Variants in UST observed in about 807,000 individuals in gnomAD.
UST encodes uronyl 2-sulfotransferase, also known as chondroitin sulfate 2-O-sulfotransferase.
UST carries 21 observed loss-of-function variants against 45.6 expected under a neutral mutation model. The observed-to-expected ratio is 0.46, with a 90% confidence interval of 0.33 to 0.66. The LOEUF (loss-of-function observed/expected upper bound fraction) is 0.66. Ranked by LOEUF, UST falls within the 30% of genes least tolerant of loss-of-function variation. The probability of loss-of-function intolerance (pLI) is 0.02; values close to 1 mark genes in which losing one functional copy is unlikely to be tolerated. For synonymous variants in UST, 215 were observed against 200.6 expected, an observed-to-expected ratio of 1.07 and a Z score of -0.61; for missense variants, 463 against 512.4, an observed-to-expected ratio of 0.90 and a Z score of 0.93.
intron 2 of UST, among the ~76,000 whole-genome samples, chr6:148,924,428 G>A (rs6570911): frequency 0.33 from 50,804 of 151,958 alleles, 8,614 homozygotes; most frequent in South Asian, 0.45. Context: ...CTGCATCCTC[G>A]GGCACACAGT....
chr6:148,953,697 G>A (rs555750387), intron 3 of UST, among the ~76,000 whole-genome samples, 175 bp from the exon 4 acceptor site: 31 of 151,264 alleles, frequency 2.0e-4, no homozygotes, highest in African/African-American at 7.0e-4. Flanking sequence ...GCGTGAACCC[G>A]GGAGGCGGAG....
At chr6:149,052,788 T>C (rs1436456165) in intron 7 of UST, among the ~76,000 whole-genome samples, 2 of 152,218 alleles carry the variant, frequency 1.3e-5, no homozygotes, top group Non-Finnish European at 2.9e-5. Flanking sequence ...CTTTGTTTTA[T>C]TTTTTTGTTG....
intron 7 of UST, among the ~76,000 whole-genome samples, chr6:149,056,520 T>C (rs1429883667): frequency 1.3e-5 from 2 of 152,228 alleles, no homozygotes; most frequent in Non-Finnish European, 2.9e-5. Context: ...GCAAAACAAA[T>C]GGGCCTCCTA....
chr6:148,830,944 T>C (rs1777672868), intron 1 of UST, among the ~76,000 whole-genome samples: 1 of 152,018 alleles, frequency 6.6e-6, no homozygotes, highest in South Asian at 2.1e-4. Flanking sequence ...TTAAAAATGG[T>C]AAATTATATA....
chr6:149,056,167 T>A (rs1372152882), intron 7 of UST, among the ~76,000 whole-genome samples: 2 of 71,406 alleles, frequency 2.8e-5, no homozygotes, highest in African/African-American at 1.9e-4. Context: ...GCTATGTCGC[T>A]GCAGTGCGGT....
chr6:148,871,229 C>G (rs1319448910), intron 1 of UST, among the ~76,000 whole-genome samples: 1 of 151,530 alleles, frequency 6.6e-6, no homozygotes, highest in Non-Finnish European at 1.5e-5. Context: ...AGGATGAGGG[C>G]TCTCACTGGA....
chr6:148,771,457 G>T (rs975644247), intron 1 of UST, among the ~76,000 whole-genome samples: 3 of 152,148 alleles, frequency 2.0e-5, no homozygotes, highest in Non-Finnish European at 1.5e-5. Context: ...CTCTGGAGAG[G>T]TCTAAAGCAA....
At chr6:148,817,980 C>T (rs930430614) in intron 1 of UST, among the ~76,000 whole-genome samples, 3 of 152,192 alleles carry the variant, frequency 2.0e-5, no homozygotes, top group African/African-American at 7.2e-5. Flanking sequence ...AAAGAGACCG[C>T]AAAACCTAAA....
chr6:148,972,299 G>T (rs1412636360), intron 5 of UST, among the ~76,000 whole-genome samples: 1 of 152,204 alleles, frequency 6.6e-6, no homozygotes, highest in East Asian at 1.9e-4. Context: ...AGAGGTGGGT[G>T]CTGTCTTTAG....
In UST at chr6:149,076,683, A is replaced by T. The variant is rs1183661694; in HGVS notation, c.*2567A>T. 6.6e-6 allele frequency: 1 copy of T among 152,660 alleles called. No individual in the cohort carries two copies. The highest frequency in any genetic ancestry group is 1.5e-5 in the Non-Finnish European group (1 of 68,036). The allele number at this position is 152,660 out of a possible 1,614,324, so 9.5% of individuals were successfully genotyped here. Reference sequence around the variant, plus strand: ...CATTTTACATAGTTTAATTTAAAAAATACCTTTTAAGCTAGTTGATCTTTG... The same window carrying T: ...CATTTTACATAGTTTAATTTAAAAATTACCTTTTAAGCTAGTTGATCTTTG... On this transcript the variant is annotated 3_prime_UTR_variant, in exon 8 of 8. Coordinates refer to ENST00000367463, the MANE Select transcript of UST (RefSeq NM_005715.3).
chr6:149,026,323 A>C lies in UST; in HGVS notation c.937+4842A>C, dbSNP rs543559545. ...CAGAGCAAGACCTTGTTTCAAAAATAAAATAAAAGTAAAAATGAGAAACTG... is the reference window on the plus strand; with the variant it reads ...CAGAGCAAGACCTTGTTTCAAAAATCAAATAAAAGTAAAAATGAGAAACTG... On this transcript the variant is annotated intron_variant, in intron 7 of 7. Transcript: ENST00000367463. 1.6e-3 allele frequency among the ~76,000 whole-genome samples: 237 copies of C among 152,278 alleles called. 1 individual carries two copies. The highest frequency in any genetic ancestry group is 4.3e-3 in the Admixed American group (66 of 15,302).
intron 1 of UST, among the ~76,000 whole-genome samples, chr6:148,792,628 T>C (rs1776872424): frequency 6.6e-6 from 1 of 152,228 alleles, no homozygotes; most frequent in Non-Finnish European, 1.5e-5. Context: ...GTGTGTCTCA[T>C]GTAGCTGGGC....
At chr6:148,809,321 GT>G (rs71779192) in intron 1 of UST, among the ~76,000 whole-genome samples, 28,114 of 143,760 alleles carry the variant, frequency 0.2, 2,760 homozygotes, top group East Asian at 0.4. Flanking sequence ...TTAGTTTTTT[GT>G]TTTTTTTTTT....
chr6:148,835,089 G>A (rs1240538162), intron 1 of UST, among the ~76,000 whole-genome samples: 3 of 152,120 alleles, frequency 2.0e-5, no homozygotes, highest in African/African-American at 7.2e-5. Flanking sequence ...CTCAGGTTCT[G>A]TGTCTGTGGA....
intron 1 of UST, among the ~76,000 whole-genome samples, chr6:148,809,045 C>T (rs577602054): frequency 6.6e-6 from 1 of 152,362 alleles, no homozygotes; most frequent in East Asian, 1.9e-4. Flanking sequence ...CACTGTCCCT[C>T]ACTGGCAACT....
intron 5 of UST, among the ~76,000 whole-genome samples, chr6:148,983,120 A>C (rs1284811923): frequency 1.3e-5 from 2 of 152,224 alleles, no homozygotes; most frequent in Non-Finnish European, 2.9e-5. Flanking sequence ...GTTAACACCA[A>C]GTTTTCAAAG....
At chr6:149,005,326 G>T in intron 5 of UST, 2 of 985,416 alleles carry the variant, frequency 2.0e-6, no homozygotes, top group African/African-American at 1.7e-5. Context: ...ATTGGAGAGG[G>T]TTGAGCGGCC....
At chr6:148,770,980 C>G (rs1190639455) in intron 1 of UST, among the ~76,000 whole-genome samples, 1 of 151,968 alleles carries the variant, frequency 6.6e-6, no homozygotes, top group Non-Finnish European at 1.5e-5. Context: ...AGACAAACAA[C>G]TTTTATCCTG....
intron 1 of UST, among the ~76,000 whole-genome samples, chr6:148,780,090 C>T (rs987831165): frequency 6.8e-5 from 7 of 102,898 alleles, no homozygotes; most frequent in South Asian, 3.2e-4. Context: ...TATATATATA[C>T]ACACACACAC....
Sources: allele counts gnomAD v4.1 joint callset (sites outside exome capture counted in the v4.1 genomes callset), GRCh38; gene constraint gnomAD v4.1.1; transcripts MANE v1.5; gene names NCBI Gene and HGNC (gene_info 2026-07-23, HGNC 2026-07-21).